Variants in PPP1R9A observed in about 807,000 individuals in gnomAD.
PPP1R9A encodes the protein neurabin-1.
In PPP1R9A, 59 loss-of-function variants were observed where a neutral mutation model predicts 141.9. The ratio of observed to expected loss-of-function variants is 0.42; its 90% CI spans 0.34 to 0.52. PPP1R9A has a LOEUF of 0.52. Among genes scored for constraint, PPP1R9A ranks in the 20% least tolerant of loss-of-function variants. The probability of loss-of-function intolerance (pLI) is 0.10; values close to 1 mark genes in which losing one functional copy is unlikely to be tolerated. For missense variants in PPP1R9A, 1,444 were observed against 1,611.9 expected, an observed-to-expected ratio of 0.90 and a Z score of 1.78; for synonymous variants, 500 against 569.7, an observed-to-expected ratio of 0.88 and a Z score of 1.74.
chr7:95,061,592 C>T (rs1345646081), intron 2 of PPP1R9A, among the ~76,000 whole-genome samples: 4 of 151,986 alleles, frequency 2.6e-5, no homozygotes, highest in Non-Finnish European at 4.4e-5. Flanking sequence ...AGAAACTAGT[C>T]AGATGTGGTG....
intron 3 of PPP1R9A, 52 bp downstream of exon 3, chr7:95,111,443 A>G: frequency 6.7e-7 from 1 of 1,488,302 alleles, no homozygotes; most frequent in South Asian, 1.3e-5. Context: ...TTAATAATAC[A>G]GAATTATTTT....
intron 2 of PPP1R9A, among the ~76,000 whole-genome samples, chr7:95,072,823 T>TTA (rs10608765): frequency 1.1e-5 from 1 of 91,438 alleles, no homozygotes; most frequent in African/African-American, 5.0e-5. Context: ...ATAATAATTA[T>TTA]TATATATATA....
intron 2 of PPP1R9A, among the ~76,000 whole-genome samples, chr7:95,089,933 A>G (rs967786022): frequency 1.3e-5 from 2 of 151,844 alleles, no homozygotes; most frequent in Non-Finnish European, 2.9e-5. Context: ...GAAGCATGGT[A>G]TTATTATTAT....
At chr7:95,173,611 T>A (rs1284769025) in intron 5 of PPP1R9A, among the ~76,000 whole-genome samples, 3 of 151,940 alleles carry the variant, frequency 2.0e-5, no homozygotes, top group African/African-American at 7.3e-5. Context: ...AGAATGAATA[T>A]CTGTAAAACA....
intron 2 of PPP1R9A, among the ~76,000 whole-genome samples, chr7:95,026,690 C>T (rs1002350564): frequency 2.0e-5 from 3 of 152,082 alleles, no homozygotes; most frequent in Non-Finnish European, 2.9e-5. Flanking sequence ...CACAGTTGCC[C>T]CTTCCCTGAG....
In PPP1R9A at chr7:95,206,973, A is replaced by T. The variant is rs574512441; in HGVS notation, c.1956+3243A>T. 3.3e-5 allele frequency among the ~76,000 whole-genome samples: 5 copies of T among 152,274 alleles called. No homozygotes were observed. The South Asian group carries it at 1.0e-3, about 32-fold the overall frequency. Reference sequence around the variant, plus strand: ...GACTGCATGGAAAATTGCCAGTGTCAAACCTTGGGTGCTGAGTGGAAAAGC... The same window carrying T: ...GACTGCATGGAAAATTGCCAGTGTCTAACCTTGGGTGCTGAGTGGAAAAGC... On this transcript the variant is annotated intron_variant, in intron 7 of 19. Transcript: ENST00000433360.
At chr7:95,070,451 T>C (rs1346608832) in intron 2 of PPP1R9A, among the ~76,000 whole-genome samples, 3 of 151,888 alleles carry the variant, frequency 2.0e-5, no homozygotes, top group Non-Finnish European at 4.4e-5. Flanking sequence ...AAAGCAAATT[T>C]AGGCAATTAC....
At chr7:95,215,092 G>C (rs560701871) in intron 7 of PPP1R9A, among the ~76,000 whole-genome samples, 19 of 151,450 alleles carry the variant, frequency 1.3e-4, no homozygotes, top group Non-Finnish European at 2.7e-4. Flanking sequence ...ATTTATATTG[G>C]GTATATCTCC....
intron 2 of PPP1R9A, among the ~76,000 whole-genome samples, chr7:95,095,263 TG>T (rs1215994641): frequency 4.6e-5 from 7 of 152,218 alleles, no homozygotes; most frequent in African/African-American, 1.7e-4. Flanking sequence ...TTCTTTTATG[TG>T]GATGGTTTCT....
At chr7:95,140,282 C>G (rs770241744) in intron 4 of PPP1R9A, among the ~76,000 whole-genome samples, 1 of 152,216 alleles carries the variant, frequency 6.6e-6, no homozygotes, top group African/African-American at 2.4e-5. Context: ...AACCTCTGTC[C>G]CTCTAACCAC....
At chr7:95,118,151 G>GAC (rs1821851760) in intron 3 of PPP1R9A, among the ~76,000 whole-genome samples, 1 of 152,148 alleles carries the variant, frequency 6.6e-6, no homozygotes, top group East Asian at 1.9e-4. Context: ...ACCAGTGTGG[G>GAC]AGAGCCTTCA....
chr7:95,091,201 T>G (rs1584638031), intron 2 of PPP1R9A, among the ~76,000 whole-genome samples: 1 of 151,984 alleles, frequency 6.6e-6, no homozygotes, highest in African/African-American at 2.4e-5. Flanking sequence ...TGTGATTTCA[T>G]TAAACTGTTA....
At chr7:95,159,062 A>T (rs932148496) in intron 4 of PPP1R9A, among the ~76,000 whole-genome samples, 5 of 152,192 alleles carry the variant, frequency 3.3e-5, no homozygotes, top group African/African-American at 1.2e-4. Context: ...AAACTCATTC[A>T]TGTGCATAAG....
intron 4 of PPP1R9A, among the ~76,000 whole-genome samples, chr7:95,146,114 C>T (rs929860154): frequency 2.6e-5 from 4 of 152,314 alleles, no homozygotes; most frequent in Admixed American, 6.5e-5. Context: ...ACATTCCCAC[C>T]GGCAGTGTAA....
chr7:95,028,519 C>G (rs1807212436), intron 2 of PPP1R9A, among the ~76,000 whole-genome samples: 1 of 152,044 alleles, frequency 6.6e-6, no homozygotes, highest in South Asian at 2.1e-4. Context: ...CATATATTAA[C>G]ATGTAATCTA....
intron 8 of PPP1R9A, among the ~76,000 whole-genome samples, chr7:95,235,206 A>C (rs1796508843): frequency 6.6e-6 from 1 of 152,194 alleles, no homozygotes; most frequent in South Asian, 2.1e-4. Flanking sequence ...CAGTGAAAGA[A>C]ACAATCAGCA....
intron 2 of PPP1R9A, among the ~76,000 whole-genome samples, chr7:94,923,397 C>T (rs939229693): frequency 6.6e-6 from 1 of 152,088 alleles, no homozygotes; most frequent in African/African-American, 2.4e-5. Context: ...TTTCTGATGT[C>T]TTAGATTATT....
intron 2 of PPP1R9A, among the ~76,000 whole-genome samples, chr7:95,006,834 T>A (rs1457566599): frequency 1.3e-5 from 2 of 152,030 alleles, no homozygotes; most frequent in Admixed American, 6.6e-5. Flanking sequence ...TTTCCCTGCC[T>A]GATCTTTTTT....
intron 2 of PPP1R9A, among the ~76,000 whole-genome samples, chr7:95,052,413 A>G (rs1810948324): frequency 6.6e-6 from 1 of 152,184 alleles, no homozygotes; most frequent in Admixed American, 6.5e-5. Context: ...AGAAGGTGGC[A>G]GGAATCTAAT....
Sources: gnomAD v4.1 joint callset for allele counts (sites outside exome capture counted in the v4.1 genomes callset) on GRCh38, gnomAD v4.1.1 for gene constraint, MANE v1.5 for transcripts, NCBI Gene and HGNC (gene_info 2026-07-23, HGNC 2026-07-21) for gene names.